Variants in CUX1 observed in about 807,000 individuals in gnomAD.
The protein encoded by CUX1 is protein CASP.
CUX1 carries 31 observed loss-of-function variants against 158.8 expected under a neutral mutation model. The observed-to-expected ratio is 0.20, with a 90% CI of 0.15 to 0.26. The LOEUF (loss-of-function observed/expected upper bound fraction) is 0.26. Among genes scored for constraint, CUX1 ranks in the 10% least tolerant of loss-of-function variants. The pLI, the probability that CUX1 is intolerant of heterozygous loss-of-function variation, is 1.00. For missense variants in CUX1, 1,589 were observed against 2,014.6 expected, an observed-to-expected ratio of 0.79 and a Z score of 4.04; for synonymous variants, 879 against 862.1, an observed-to-expected ratio of 1.02 and a Z score of -0.34.
In CUX1 at chr7:102,280,785, A is replaced by T. The variant is rs112598016; in HGVS notation, c.1765-19A>T. On this transcript the variant is annotated intron_variant, in intron 19 of 22. Coordinates refer to the CUX1 transcript ENST00000292538. ...TGAGGTCCTTTGGGGTCCTTTCCTG[A>T]CTGTCCCTCCCTGTGCAGGAGCGGC... 21 of 1,612,218 alleles carry T rather than the reference A, an allele frequency of 1.3e-5. 1 individual carries two copies. The highest frequency in any genetic ancestry group is 5.0e-5 in the Admixed American group (3 of 60,000).
At chr7:101,957,708 AGAGT>A (rs1809941573) in intron 2 of CUX1, among the ~76,000 whole-genome samples, 2 of 152,354 alleles carry the variant, frequency 1.3e-5, no homozygotes, top group Middle Eastern at 6.8e-3. Flanking sequence ...CCTGGGCAAC[AGAGT>A]GAGATTCCAT....
intron 2 of CUX1, among the ~76,000 whole-genome samples, chr7:101,919,596 A>G (rs1475701190): frequency 6.6e-6 from 1 of 152,176 alleles, no homozygotes; most frequent in Non-Finnish European, 1.5e-5. Context: ...TGTGACACCA[A>G]GGGTGTTGAT....
chr7:102,200,560 C>A (rs1184199546), intron 17 of CUX1, among the ~76,000 whole-genome samples: 1 of 152,042 alleles, frequency 6.6e-6, no homozygotes, highest in Non-Finnish European at 1.5e-5. Flanking sequence ...AGGCTGGTCT[C>A]GAACTCCTGA....
In CUX1 at chr7:102,251,882, C is replaced by G; in HGVS notation, c.*2840C>G. ...TTAAATCTGAGGAAATTGACAAATA[C>G]AGATTTGTCCATTCTAGTGGCCAAA... is the stretch of plus-strand genomic sequence containing the variant. On this transcript the variant is annotated 3_prime_UTR_variant, in exon 24 of 24. Coordinates refer to ENST00000292535, the MANE Select transcript of CUX1 (RefSeq NM_181552.4). 2 of 985,334 alleles carry G rather than the reference C, an allele frequency of 2.0e-6. No homozygotes were observed. The highest frequency in any genetic ancestry group is 2.4e-6 in the Non-Finnish European group (2 of 829,840). The allele number at this position is 985,334 out of a possible 1,614,324, so 61.0% of individuals were successfully genotyped here.
At chr7:101,975,551 G>A (rs989712255) in intron 2 of CUX1, among the ~76,000 whole-genome samples, 3 of 151,922 alleles carry the variant, frequency 2.0e-5, no homozygotes, top group East Asian at 1.9e-4. Context: ...ACGAGACCCC[G>A]TCTCTAAAAG....
chr7:102,058,786 G>C (rs1053182422), intron 3 of CUX1, among the ~76,000 whole-genome samples: 1 of 152,166 alleles, frequency 6.6e-6, no homozygotes, highest in Non-Finnish European at 1.5e-5. Flanking sequence ...TAGGAAGCCT[G>C]CCCCACTCCC....
At chr7:102,282,809 C>G in intron 22 of CUX1, 1 of 1,558,710 alleles carries the variant, frequency 6.4e-7, no homozygotes, top group African/African-American at 1.4e-5. Flanking sequence ...CCCCTCAGCC[C>G]CACAGCGAGC....
intron 2 of CUX1, among the ~76,000 whole-genome samples, chr7:101,998,507 A>G (rs1181951002): frequency 6.6e-6 from 1 of 152,244 alleles, no homozygotes; most frequent in Non-Finnish European, 1.5e-5. Context: ...TCTCAGCAGG[A>G]CAGCCGGCAG....
intron 8 of CUX1, among the ~76,000 whole-genome samples, chr7:102,155,751 A>G (rs1789681795): frequency 1.3e-5 from 2 of 152,116 alleles, no homozygotes. Context: ...TACCATTTGT[A>G]GTATTAGACT....
chr7:102,135,747 G>A (rs1387310272), intron 8 of CUX1, among the ~76,000 whole-genome samples: 3 of 152,134 alleles, frequency 2.0e-5, no homozygotes, highest in Non-Finnish European at 4.4e-5. Context: ...GGCCAAGGCA[G>A]GCGGATCACT....
At chr7:102,280,610 CAG>C (rs1791988743) in intron 19 of CUX1, among the ~76,000 whole-genome samples, 2 of 152,068 alleles carry the variant, frequency 1.3e-5, no homozygotes, top group African/African-American at 4.8e-5. Flanking sequence ...TCACAGATGT[CAG>C]GGGAGTCCAG....
At chr7:102,157,816 CCT>C in intron 8 of CUX1, among the ~76,000 whole-genome samples, 1 of 152,264 alleles carries the variant, frequency 6.6e-6, no homozygotes, top group Non-Finnish European at 1.5e-5. Flanking sequence ...TCTCCGCATT[CCT>C]CTCTCATGAT....
chr7:101,898,033 C>T (rs1216793866), intron 1 of CUX1, among the ~76,000 whole-genome samples: 2 of 152,158 alleles, frequency 1.3e-5, no homozygotes, highest in South Asian at 2.1e-4. Context: ...TTTTTGGCAG[C>T]CCCGAGGGGT....
chr7:101,956,591 G>A (rs879318388), intron 2 of CUX1, among the ~76,000 whole-genome samples: 2 of 152,162 alleles, frequency 1.3e-5, no homozygotes, highest in Non-Finnish European at 2.9e-5. Context: ...TGAGAATTTT[G>A]TATTCCTTTG....
Position 102,083,369 on chromosome 7 carries a change from T to C in CUX1, c.268+12952T>C, listed in dbSNP as rs782577927. On this transcript the variant is annotated intron_variant, in intron 4 of 23. Transcript: ENST00000292535. ...TTGCCCAGGCTGGAGTGTAGTGATA[T>C]AGTCATAGCTCACTACAGCCTCAGT... Among the ~76,000 whole-genome samples the C allele has an allele frequency of 3.5e-4, 51 of 147,178 alleles. 7 individuals are homozygous for C. The highest frequency in any genetic ancestry group is 1.4e-4 in the Admixed American group (2 of 14,540).
chr7:101,971,837 A>G (rs1811995404), intron 2 of CUX1, among the ~76,000 whole-genome samples: 1 of 152,236 alleles, frequency 6.6e-6, no homozygotes, highest in Admixed American at 6.5e-5. Context: ...TAGAAGCAGC[A>G]TTACATTGGT....
chr7:101,845,348 G>A (rs1795580194), intron 1 of CUX1, among the ~76,000 whole-genome samples: 1 of 152,218 alleles, frequency 6.6e-6, no homozygotes, highest in Admixed American at 6.5e-5. Flanking sequence ...CCTTGGTGTA[G>A]ACTGGCCACG....
At chr7:102,027,104 GC>G in intron 2 of CUX1, among the ~76,000 whole-genome samples, 1 of 152,210 alleles carries the variant, frequency 6.6e-6, no homozygotes, top group Middle Eastern at 3.4e-3. Flanking sequence ...GGCAGCTAGG[GC>G]CGGCCATGGT....
At chr7:101,905,041 C>T (rs1802604310) in intron 1 of CUX1, among the ~76,000 whole-genome samples, 1 of 152,164 alleles carries the variant, frequency 6.6e-6, no homozygotes, top group Admixed American at 6.5e-5. Flanking sequence ...CCCCATTTTA[C>T]ATTAAATCAC....
Sources: allele counts gnomAD v4.1 joint callset (sites outside exome capture counted in the v4.1 genomes callset), GRCh38; gene constraint gnomAD v4.1.1; transcripts MANE v1.5; gene names NCBI Gene and HGNC (gene_info 2026-07-23, HGNC 2026-07-21).